CAMK1G: variants seen among roughly 807,000 people sequenced by gnomAD.
CAMK1G encodes the protein calcium/calmodulin dependent protein kinase IG.
A neutral mutation model predicts 54.8 loss-of-function variants in CAMK1G; 27 were observed. The observed-to-expected ratio is 0.49, with a 90% confidence interval of 0.36 to 0.68. The LOEUF is 0.68. Among genes scored for constraint, CAMK1G ranks in the 30% least tolerant of loss-of-function variants. The pLI, the probability that CAMK1G is intolerant of heterozygous loss-of-function variation, is 0.00. For missense variants in CAMK1G, 512 were observed against 591.0 expected, an observed-to-expected ratio of 0.87 and a Z score of 1.39; for synonymous variants, 238 against 224.9, an observed-to-expected ratio of 1.06 and a Z score of -0.52.
At chr1:209,604,082 A>G (rs544957046) in intron 4 of CAMK1G, among the ~76,000 whole-genome samples, 1 of 152,200 alleles carries the variant, frequency 6.6e-6, no homozygotes, top group Admixed American at 6.5e-5. Flanking sequence ...ACGCACTCAC[A>G]CACCACTCTG....
intron 2 of CAMK1G, 96 bp from the exon 3 acceptor site, chr1:209,599,886 TA>T (rs1393579614): frequency 7.0e-7 from 1 of 1,431,440 alleles, no homozygotes; most frequent in East Asian, 2.3e-5. Flanking sequence ...GTCAGAGGAC[TA>T]TATAGACTCT....
At chr1:209,609,753 T>G (rs941627849) in intron 8 of CAMK1G, 98 bp from the exon 9 acceptor site, 1 of 1,183,404 alleles carries the variant, frequency 8.5e-7, no homozygotes, top group African/African-American at 1.5e-5. Context: ...GAAGATCAGC[T>G]AAAGATGCAT....
intron 3 of CAMK1G, among the ~76,000 whole-genome samples, chr1:209,600,702 G>T (rs373654747): frequency 6.6e-6 from 1 of 152,312 alleles, no homozygotes; most frequent in Non-Finnish European, 1.5e-5. Context: ...CAACAAAATC[G>T]GATGTGAGTC....
chr1:209,609,969 T>C lies in CAMK1G; in HGVS notation c.827+40T>C, dbSNP rs747374065. 3.9e-6 allele frequency: 6 copies of C among 1,526,108 alleles called. No individual in the cohort carries two copies. In the African/African-American group the frequency reaches 6.8e-5, roughly 17 times the overall value. 94.5% of individuals were successfully genotyped at this position (1,526,108 alleles called of 1,614,324 possible). ...GAGTGGACTCTAGACCCCAGCCCTG[T>C]AGTTCCCAAAACCATGCTGACTCAT... On this transcript the variant is annotated intron_variant, in intron 9 of 12. Coordinates refer to ENST00000361322, the MANE Select transcript of CAMK1G (RefSeq NM_020439.3).
chr1:209,590,902 A>G (rs1362467482), intron 1 of CAMK1G, among the ~76,000 whole-genome samples: 2 of 152,086 alleles, frequency 1.3e-5, no homozygotes, highest in African/African-American at 4.8e-5. Context: ...GAGGCTCTTT[A>G]AACCTGATAA....
intron 1 of CAMK1G, among the ~76,000 whole-genome samples, chr1:209,586,798 C>G (rs1429609673): frequency 6.6e-6 from 1 of 152,008 alleles, no homozygotes; most frequent in Non-Finnish European, 1.5e-5. Context: ...AGCAGCATAC[C>G]CTGCTCTCTA....
chr1:209,605,405 C>T, intron 4 of CAMK1G, 131 bp from the exon 5 acceptor site: 2 of 1,052,384 alleles, frequency 1.9e-6, no homozygotes, highest in East Asian at 4.8e-5. Flanking sequence ...TGCTGGCAGC[C>T]CTTCAATCAC....
rs1423182608 is a variant in CAMK1G, at chr1:209,611,784, C to A, written c.916-8C>A. 6.2e-7 allele frequency: 1 copy of A among 1,612,186 alleles called. No homozygotes were observed. Among genetic ancestry groups the A allele is most frequent in the African/African-American group, 1.3e-5 (1 of 74,874 alleles). ...AGAAGGCCAGAGGCTGCTCTTGTGT[C>A]TCCTTAGCAAGCCTTCAACGCAGCA... On this transcript the variant is annotated splice_region_variant and splice_polypyrimidine_tract_variant and intron_variant, in intron 10 of 12. Coordinates refer to ENST00000361322, the MANE Select transcript of CAMK1G (RefSeq NM_020439.3).
intron 3 of CAMK1G, among the ~76,000 whole-genome samples, chr1:209,600,609 G>A (rs1341547373): frequency 1.3e-5 from 2 of 152,212 alleles, no homozygotes; most frequent in Non-Finnish European, 2.9e-5. Context: ...ATGAACACAG[G>A]ATCAGAACCA....
Position 209,611,856 on chromosome 1 carries a change from C to G in CAMK1G, c.980C>G (p.Pro327Arg). 2.5e-6 allele frequency: 4 copies of G among 1,614,230 alleles called. No individual in the cohort carries two copies. The highest frequency in any genetic ancestry group is 3.4e-6 in the Non-Finnish European group (4 of 1,180,038). ...AAGCTACACATGAACCTGCACAGCCCGGGCGTCCGCCCAGAGGTGGAGAAC... is the reference window on the plus strand; with the variant it reads ...AAGCTACACATGAACCTGCACAGCCGGGGCGTCCGCCCAGAGGTGGAGAAC... Reference protein sequence around the residue: ...MRKLHMNLHSPGVRPEVENRP... With the variant: ...MRKLHMNLHSRGVRPEVENRP... The change falls in exon 11 of 13, where the codon CCG becomes CGG. Residue 327 changes from proline (P) to arginine (R), a missense_variant. By Grantham distance (103) the Pro-to-Arg change is moderately radical. Around this residue, in one of 3 missense-constraint regions of CAMK1G, gnomAD observed 315 missense variants for 330.5 expected, o/e 0.95. Coordinates refer to ENST00000361322, the MANE Select transcript of CAMK1G (RefSeq NM_020439.3).
intron 1 of CAMK1G, among the ~76,000 whole-genome samples, chr1:209,591,082 C>T (rs923692569): frequency 3.3e-5 from 5 of 151,858 alleles, no homozygotes; most frequent in African/African-American, 1.2e-4. Context: ...CTAAAGATAT[C>T]CCCCGACTCT....
At chr1:209,604,826 G>A (rs925270294) in intron 4 of CAMK1G, among the ~76,000 whole-genome samples, 5 of 151,676 alleles carry the variant, frequency 3.3e-5, no homozygotes, top group African/African-American at 1.2e-4. Flanking sequence ...AGGGCATCAG[G>A]TTTCAACATA....
intron 1 of CAMK1G, among the ~76,000 whole-genome samples, chr1:209,592,150 C>G (rs909054537): frequency 1.3e-5 from 2 of 151,992 alleles, no homozygotes; most frequent in East Asian, 3.9e-4. Flanking sequence ...AGTTCGAGAC[C>G]AGCCTGGGCA....
In CAMK1G at chr1:209,612,133, C is replaced by T; in HGVS notation, c.1257C>T (p.Cys419=). ...GSLAAGPCGC[C]SSCLNIGSKG... ...TGGCCGCCGGGCCCTGTGGCTGCTG[C>T]TCCAGCTGCCTGAACATTGGGAGCA... is the stretch of plus-strand genomic sequence containing the variant. Residue 419 remains cysteine (C), a synonymous_variant, in exon 11 of 13, where the codon TGC becomes TGT. Coordinates refer to ENST00000361322, the MANE Select transcript of CAMK1G (RefSeq NM_020439.3). The T allele has an allele frequency of 6.2e-7, 1 of 1,614,148 alleles. No individual in the cohort carries two copies. The highest frequency in any genetic ancestry group is 8.5e-7 in the Non-Finnish European group (1 of 1,179,954).
intron 9 of CAMK1G, among the ~76,000 whole-genome samples, chr1:209,610,657 T>A (rs17014889): frequency 6.6e-6 from 1 of 152,176 alleles, no homozygotes; most frequent in African/African-American, 2.4e-5. Flanking sequence ...AGGATCCAGA[T>A]CAGTCTCTGC....
At chr1:209,607,646 A>G in intron 6 of CAMK1G, 1 of 504,562 alleles carries the variant, frequency 2.0e-6, no homozygotes, top group South Asian at 3.2e-5. Flanking sequence ...GAAACTCACA[A>G]ACTAATGCAG....
At chr1:209,595,531 C>T (rs1446627583) in intron 2 of CAMK1G, among the ~76,000 whole-genome samples, 1 of 141,178 alleles carries the variant, frequency 7.1e-6, no homozygotes, top group Admixed American at 7.2e-5. Flanking sequence ...AGATCTGTGC[C>T]GGTTTGTGGG....
chr1:209,605,731 T>C (rs1665631534), intron 5 of CAMK1G, 57 bp downstream of exon 5: 1 of 1,530,110 alleles, frequency 6.5e-7, no homozygotes, highest in East Asian at 2.3e-5. Context: ...GGAAGCTGCA[T>C]GGGTCATGGG....
chr1:209,595,157 T>C (rs1402093197), intron 2 of CAMK1G, 82 bp downstream of exon 2: 3 of 958,164 alleles, frequency 3.1e-6, no homozygotes, highest in African/African-American at 1.6e-5. Flanking sequence ...CTGGCAGCAA[T>C]TGATGAACTG....
Sources: gnomAD v4.1 joint callset for allele counts (sites outside exome capture counted in the v4.1 genomes callset) on GRCh38, gnomAD v4.1.1 for gene constraint, gnomAD v4.1.1 regional missense constraint, MANE v1.5 for transcripts, NCBI Gene and HGNC (gene_info 2026-07-23, HGNC 2026-07-21) for gene names.